Variants in EPHB1 observed in about 807,000 individuals in gnomAD.
EPHB1 encodes the protein ephrin type-B receptor 1.
A neutral mutation model predicts 94.4 loss-of-function variants in EPHB1; 30 were observed. The observed-to-expected ratio is 0.32, with a 90% CI of 0.24 to 0.43. The LOEUF is 0.43. Ranked by LOEUF, EPHB1 falls within the 20% of genes least tolerant of loss-of-function variation. The pLI is 1.00. For missense variants in EPHB1, 1,055 were observed against 1,308.3 expected, an observed-to-expected ratio of 0.81 and a Z score of 2.99; for synonymous variants, 522 against 489.1, an observed-to-expected ratio of 1.07 and a Z score of -0.89.
intron 3 of EPHB1, among the ~76,000 whole-genome samples, chr3:135,016,009 C>T (rs1354320816): frequency 1.3e-5 from 2 of 152,134 alleles, no homozygotes; most frequent in Admixed American, 1.3e-4. Flanking sequence ...GGGAAGTAGC[C>T]AGGAGCTAGT....
chr3:135,030,772 G>A (rs1303910179), intron 3 of EPHB1, among the ~76,000 whole-genome samples: 1 of 152,236 alleles, frequency 6.6e-6, no homozygotes, highest in East Asian at 1.9e-4. Context: ...CTTCCCTGCT[G>A]CTTTGTTTAC....
chr3:135,159,656 T>C (rs1941454212), intron 6 of EPHB1, among the ~76,000 whole-genome samples: 1 of 152,222 alleles, frequency 6.6e-6, no homozygotes, highest in African/African-American at 2.4e-5. Flanking sequence ...AGGATCCCCT[T>C]GTGTTTAAAT....
At chr3:135,005,546 C>T (rs1310322563) in intron 3 of EPHB1, among the ~76,000 whole-genome samples, 1 of 152,224 alleles carries the variant, frequency 6.6e-6, no homozygotes, top group Non-Finnish European at 1.5e-5. Context: ...GGTGGGCGCC[C>T]CTCCCCCAGC....
At chr3:134,937,987 C>T (rs1243263831) in intron 2 of EPHB1, among the ~76,000 whole-genome samples, 1 of 130,814 alleles carries the variant, frequency 7.6e-6, no homozygotes, top group African/African-American at 3.0e-5. Context: ...GTGGGGTGGG[C>T]GATGAGTTGG....
chr3:134,798,913 A>G (rs920891757), intron 1 of EPHB1, among the ~76,000 whole-genome samples: 1 of 152,144 alleles, frequency 6.6e-6, no homozygotes, highest in Non-Finnish European at 1.5e-5. Flanking sequence ...GTACCCATGC[A>G]CCTGCAGAAG....
intron 3 of EPHB1, among the ~76,000 whole-genome samples, chr3:134,965,522 G>A (rs1933705579): frequency 1.3e-5 from 2 of 152,128 alleles, no homozygotes; most frequent in African/African-American, 4.8e-5. Flanking sequence ...CTATGATAGT[G>A]CCACTGTACT....
chr3:134,923,512 C>A (rs1026523424), intron 1 of EPHB1, among the ~76,000 whole-genome samples: 2 of 152,176 alleles, frequency 1.3e-5, no homozygotes, highest in African/African-American at 2.4e-5. Flanking sequence ...TTCCTGAGTG[C>A]CATGTTAGTC....
intron 5 of EPHB1, among the ~76,000 whole-genome samples, chr3:135,152,336 C>T (rs1198548465): frequency 1.3e-5 from 2 of 152,078 alleles, no homozygotes; most frequent in African/African-American, 2.4e-5. Flanking sequence ...TGAGACTTAC[C>T]TAAGTATAGA....
At chr3:134,801,074 A>G (rs997286679) in intron 1 of EPHB1, among the ~76,000 whole-genome samples, 6 of 152,172 alleles carry the variant, frequency 3.9e-5, no homozygotes, top group East Asian at 1.9e-4. Context: ...TGACTCTGCC[A>G]TTGGGCATTG....
chr3:134,950,737 C>T (rs553191044), intron 2 of EPHB1, among the ~76,000 whole-genome samples: 1 of 152,294 alleles, frequency 6.6e-6, no homozygotes, highest in East Asian at 1.9e-4. Flanking sequence ...TCCCACCAGG[C>T]CCCACCTCCA....
chr3:134,916,074 T>C (rs761077419), intron 1 of EPHB1, among the ~76,000 whole-genome samples: 2 of 152,186 alleles, frequency 1.3e-5, no homozygotes, highest in African/African-American at 4.8e-5. Flanking sequence ...TTACAATCCC[T>C]GAGCTAGACA....
chr3:135,002,542 C>A (rs1935223335), intron 3 of EPHB1, among the ~76,000 whole-genome samples: 2 of 151,622 alleles, frequency 1.3e-5, no homozygotes, highest in African/African-American at 2.4e-5. Flanking sequence ...GGTACCAGTT[C>A]CTCCTTGTAC....
At chr3:135,229,638 C>G (rs1272678586) in intron 12 of EPHB1, among the ~76,000 whole-genome samples, 1 of 152,138 alleles carries the variant, frequency 6.6e-6, no homozygotes, top group Non-Finnish European at 1.5e-5. Context: ...GAAAACACCC[C>G]ACAGCCTTCC....
chr3:134,862,873 C>G (rs574285745), intron 1 of EPHB1, among the ~76,000 whole-genome samples: 1 of 152,346 alleles, frequency 6.6e-6, no homozygotes, highest in East Asian at 1.9e-4. Flanking sequence ...AAAGACTGTA[C>G]GTCACACACA....
At chr3:134,952,371 T>TCACACA (rs796675356) in intron 3 of EPHB1, among the ~76,000 whole-genome samples, 29 of 148,310 alleles carry the variant, frequency 2.0e-4, no homozygotes, top group African/African-American at 6.3e-4. Context: ...TCTCTCTCTC[T>TCACACA]CACACACACA....
chr3:135,109,338 G>A (rs534663310), intron 4 of EPHB1, among the ~76,000 whole-genome samples: 1 of 152,270 alleles, frequency 6.6e-6, no homozygotes, highest in African/African-American at 2.4e-5. Context: ...TAAATCCTTG[G>A]TCTAAGCTTT....
intron 3 of EPHB1, among the ~76,000 whole-genome samples, chr3:134,994,219 C>T (rs1934913926): frequency 6.6e-6 from 1 of 152,094 alleles, no homozygotes; most frequent in African/African-American, 2.4e-5. Context: ...GCGTCTGACA[C>T]ATGGAGAATA....
intron 3 of EPHB1, among the ~76,000 whole-genome samples, chr3:134,955,071 CTTTTTTTT>C (rs1197013147): frequency 2.4e-3 from 20 of 8,416 alleles, no homozygotes; most frequent in South Asian, 0.019. Context: ...GACATCCTTT[CTTTTTTTT>C]TTTTTTTTTT....
chr3:134,837,278 C>T (rs181511657), intron 1 of EPHB1, among the ~76,000 whole-genome samples: 14 of 152,264 alleles, frequency 9.2e-5, no homozygotes, highest in Admixed American at 8.5e-4. Flanking sequence ...CCCTCTATTC[C>T]ATGATTTTAT....
Sources: allele counts gnomAD v4.1 joint callset (sites outside exome capture counted in the v4.1 genomes callset), GRCh38; gene constraint gnomAD v4.1.1; transcripts MANE v1.5; gene names NCBI Gene and HGNC (gene_info 2026-07-23, HGNC 2026-07-21).